AP5M1: variants seen among roughly 807,000 people sequenced by gnomAD.
AP5M1 encodes the protein adaptor related protein complex 5 subunit mu 1, also known as AP-5 complex subunit mu-1.
In AP5M1, 44 loss-of-function variants were observed where a neutral mutation model predicts 52.3. That is an observed-to-expected ratio of 0.84 (90% CI 0.66 to 1.08). The LOEUF (loss-of-function observed/expected upper bound fraction) is 1.08. Ranked by LOEUF, AP5M1 falls within the 50% of genes least tolerant of loss-of-function variation. The pLI, the probability that AP5M1 is intolerant of heterozygous loss-of-function variation, is 0.00. For synonymous variants in AP5M1, 213 were observed against 199.0 expected (o/e 1.07, Z -0.59); for missense variants, 526 against 568.4 (o/e 0.93, Z 0.76).
Position 57,289,821 on chromosome 14 carries a change from A to G in AP5M1, c.*937A>G, listed in dbSNP as rs562092961. 3 of 152,068 alleles carry G rather than the reference A, an allele frequency of 2.0e-5. No individual in the cohort carries two copies. Among genetic ancestry groups the G allele is most frequent in the Admixed American group, 6.6e-5 (1 of 15,240 alleles). 9.4% of individuals were successfully genotyped at this position (152,068 alleles called of 1,614,324 possible). On this transcript the variant is annotated 3_prime_UTR_variant, in exon 8 of 8. Coordinates refer to ENST00000261558, the MANE Select transcript of AP5M1 (RefSeq NM_018229.4). The stretch of plus-strand genomic sequence containing the variant: ...AGCTTATTTTAGTCACATGTAGTAT[A>G]TATCTCCTTAAAGCTGTCACTCTCA...
At chr14:57,286,130 T>C (rs2139696468) in intron 6 of AP5M1, 93 bp from the exon 7 acceptor site, 1 of 800,102 alleles carries the variant, frequency 1.2e-6, no homozygotes, top group Middle Eastern at 3.3e-4. Flanking sequence ...CTGTGTAAAA[T>C]AAATTCCCTA....
In AP5M1 at chr14:57,292,544, A is replaced by C. The variant is rs1464113729; in HGVS notation, c.*3660A>C. On this transcript the variant is annotated 3_prime_UTR_variant, in exon 8 of 8. Transcript: ENST00000261558. The stretch of plus-strand genomic sequence containing the variant: ...AAGTTTATTTCTTACGTAATAGAAC[A>C]AACATTTCTTTTTGCTTCGCCTAAC... 6.6e-6 allele frequency: 1 copy of C among 151,892 alleles called. No homozygotes were observed. The highest frequency in any genetic ancestry group is 2.4e-5 in the African/African-American group (1 of 41,412). The allele number at this position is 151,892 out of a possible 1,614,324, so 9.4% of individuals were successfully genotyped here. A position where few individuals can be genotyped will look rare whatever the true frequency, so the allele number is the denominator to read the frequency against.
chr14:57,285,373 A>G lies in AP5M1; in HGVS notation c.1294-850A>G, dbSNP rs576517815. Among the ~76,000 whole-genome samples the G allele has an allele frequency of 1.7e-4, 26 of 152,344 alleles. No homozygotes were observed. In the South Asian group the frequency reaches 5.4e-3, roughly 32 times the overall value. ...CCCATCACCAACCAGTTACACTCAC[A>G]TTGAAAGCATGTAGCACATATTTTT... On this transcript the variant is annotated intron_variant, in intron 6 of 7. Transcript: ENST00000261558.
chr14:57,282,468 C>T (rs1435318138), intron 4 of AP5M1, among the ~76,000 whole-genome samples: 1 of 152,122 alleles, frequency 6.6e-6, no homozygotes, highest in Non-Finnish European at 1.5e-5. Context: ...GTAGCTTCCT[C>T]AGGGATTATT....
chr14:57,274,726 T>G lies in AP5M1; in HGVS notation c.557T>G (p.Phe186Cys). 1 of 1,614,206 alleles carries G rather than the reference T, an allele frequency of 6.2e-7. No homozygotes were observed. Among genetic ancestry groups the G allele is most frequent in the South Asian group, 1.1e-5 (1 of 91,086 alleles). Reference sequence around the variant, plus strand: ...CAGAATTCATTAGATAATACCAATTTTGCATCTGTGACTCAGCCACAGAAA... The same window carrying G: ...CAGAATTCATTAGATAATACCAATTGTGCATCTGTGACTCAGCCACAGAAA... ...NLQNSLDNTN[F>C]ASVTQPQKQP... The change falls in exon 2 of 8, where the codon TTT (phenylalanine) becomes TGT (cysteine). Residue 186 changes from phenylalanine to cysteine, a missense_variant. By Grantham distance (205) the Phe-to-Cys change is radical (BLOSUM62 -2). Coordinates refer to ENST00000261558, the MANE Select transcript of AP5M1 (RefSeq NM_018229.4).
chr14:57,270,734 T>G (rs1884873028), intron 1 of AP5M1, among the ~76,000 whole-genome samples: 2 of 152,212 alleles, frequency 1.3e-5, no homozygotes, highest in Admixed American at 6.5e-5. Context: ...TAACTGCCGT[T>G]CCCTTCCCAC....
At chr14:57,279,257 T>C (rs1394192148) in intron 2 of AP5M1, among the ~76,000 whole-genome samples, 1 of 152,076 alleles carries the variant, frequency 6.6e-6, no homozygotes, top group Non-Finnish European at 1.5e-5. Context: ...CTATTCACAA[T>C]AGTAAAGACA....
At chr14:57,287,680 G>T (rs1885341087) in intron 7 of AP5M1, among the ~76,000 whole-genome samples, 1 of 152,092 alleles carries the variant, frequency 6.6e-6, no homozygotes, top group Non-Finnish European at 1.5e-5. Flanking sequence ...GTTAGTTTCA[G>T]AATGTGACTG....
intron 6 of AP5M1, 151 bp downstream of exon 6, chr14:57,283,381 T>G: frequency 3.4e-6 from 2 of 579,742 alleles, no homozygotes; most frequent in Non-Finnish European, 3.0e-6. Flanking sequence ...TTTGTTTGAT[T>G]TTTTGTTGTT....
chr14:57,282,049 T>A, intron 3 of AP5M1, 40 bp from the exon 4 acceptor site: 3 of 1,507,596 alleles, frequency 2.0e-6, no homozygotes, highest in Non-Finnish European at 2.6e-6. Flanking sequence ...TTTAGACTCA[T>A]TAACCTGAGA....
chr14:57,283,383 T>G, intron 6 of AP5M1, 153 bp downstream of exon 6: 1 of 573,596 alleles, frequency 1.7e-6, no homozygotes, highest in South Asian at 2.5e-5. Flanking sequence ...TGTTTGATTT[T>G]TTGTTGTTGT....
At chr14:57,270,412 G>T (rs1039720892) in intron 1 of AP5M1, among the ~76,000 whole-genome samples, 3 of 152,126 alleles carry the variant, frequency 2.0e-5, no homozygotes, top group South Asian at 4.1e-4. Flanking sequence ...AAAGCTTATA[G>T]TGAAGTAGTA....
chr14:57,285,820 G>T (rs534515784), intron 6 of AP5M1, among the ~76,000 whole-genome samples: 2 of 152,192 alleles, frequency 1.3e-5, no homozygotes, highest in East Asian at 3.9e-4. Flanking sequence ...ACAGTAGCAC[G>T]GGGGAGACAG....
chr14:57,288,855 C>G lies in AP5M1; in HGVS notation c.1444C>G (p.Pro482Ala). Residue 482 changes from proline to alanine, a missense_variant, in exon 8 of 8, where the codon CCA becomes GCA. Pro to Ala is a conservative substitution (Grantham distance 27). This residue lies in a region of AP5M1 where 97 missense variants were observed against 121.3 expected (regional missense o/e 0.80). Transcript: ENST00000261558. ...YYIWNSKAPAPVTYGSLLL is the reference protein window; with the variant it reads ...YYIWNSKAPAAVTYGSLLL Reference sequence around the variant, plus strand: ...CATCTGGAATTCTAAAGCCCCTGCTCCAGTAACATATGGATCATTATTATT... The same window carrying G: ...CATCTGGAATTCTAAAGCCCCTGCTGCAGTAACATATGGATCATTATTATT... The G allele has an allele frequency of 6.3e-7, 1 of 1,579,466 alleles. No individual in the cohort carries two copies. The highest frequency in any genetic ancestry group is 8.7e-7 in the Non-Finnish European group (1 of 1,151,418).
rs746756431 is a variant in AP5M1, at chr14:57,286,239, T to G, written c.1310T>G (p.Leu437Ter). The change falls in exon 7 of 8, where the codon TTA (leucine) becomes TGA (stop). Residue 437 changes from leucine (L) to a stop codon, truncating the protein, a stop_gained. Transcript: ENST00000261558. LOFTEE classifies it high-confidence loss of function. ...TAYLKLHFRI[L>*]DYTLTGCYAD... ...TCTTTCTAGCTTCATTTTAGGATCT[T>G]AGATTACACACTTACTGGATGTTAT... 6.2e-7 allele frequency: 1 copy of G among 1,609,394 alleles called. No individual in the cohort carries two copies. Among genetic ancestry groups the G allele is most frequent in the Admixed American group, 1.7e-5 (1 of 59,818 alleles).
rs2139701293 is a variant in AP5M1, at chr14:57,291,846, C to A, written c.*2962C>A. On this transcript the variant is annotated 3_prime_UTR_variant, in exon 8 of 8. Coordinates refer to ENST00000261558, the MANE Select transcript of AP5M1 (RefSeq NM_018229.4). ...AGACATTGATAGACTCCTACACTACCCCTGGGAGCTAGGTAGGTGGAATTA... is the reference window on the plus strand; with the variant it reads ...AGACATTGATAGACTCCTACACTACACCTGGGAGCTAGGTAGGTGGAATTA... 6.6e-6 allele frequency: 1 copy of A among 151,742 alleles called. No individual in the cohort carries two copies. Among genetic ancestry groups the A allele is most frequent in the Middle Eastern group, 3.4e-3 (1 of 294 alleles). The allele number at this position is 151,742 out of a possible 1,614,324, so 9.4% of individuals were successfully genotyped here. A position where few individuals can be genotyped will look rare whatever the true frequency, so the allele number is the denominator to read the frequency against.
chr14:57,269,045 A>G lies in AP5M1; in HGVS notation c.-270A>G. ...TTCCGGAAGTAGAATTTAGAGGAAG[A>G]AAATACCGGAGTTGCAGGGTATAGG... is the stretch of plus-strand genomic sequence containing the variant. On this transcript the variant is annotated 5_prime_UTR_variant, in exon 1 of 8. Coordinates refer to ENST00000261558, the MANE Select transcript of AP5M1 (RefSeq NM_018229.4). 1.8e-6 allele frequency: 1 copy of G among 555,750 alleles called. No individual in the cohort carries two copies. The highest frequency in any genetic ancestry group is 3.1e-5 in the East Asian group (1 of 32,406). 34.4% of individuals were successfully genotyped at this position (555,750 alleles called of 1,614,324 possible).
In AP5M1 at chr14:57,298,520, T is replaced by C. The variant is rs1019422404; in HGVS notation, c.*9636T>C. The C allele has an allele frequency of 1.3e-5, 2 of 152,150 alleles. No individual in the cohort carries two copies. Among genetic ancestry groups the C allele is most frequent in the African/African-American group, 4.8e-5 (2 of 41,436 alleles). The allele number at this position is 152,150 out of a possible 1,614,324, so 9.4% of individuals were successfully genotyped here. On this transcript the variant is annotated 3_prime_UTR_variant, in exon 8 of 8. Coordinates refer to ENST00000261558, the MANE Select transcript of AP5M1 (RefSeq NM_018229.4). ...TGAATGATACCAAGTTATAAGTGCA[T>C]AGGTATTCAATCAGTGTTCATTCCC... is the stretch of plus-strand genomic sequence containing the variant.
Position 57,271,591 on chromosome 14 carries a change from T to C in AP5M1, c.74+2203T>C, listed in dbSNP as rs546622954. 2.6e-5 allele frequency among the ~76,000 whole-genome samples: 4 copies of C among 152,210 alleles called. No individual in the cohort carries two copies. The East Asian group carries it at 7.7e-4, about 29-fold the overall frequency. ...TATTCTTGGTATTAGTCCTATGTCATTTTTAGATAGTACAGATATTTTCTT... is the reference window on the plus strand; with the variant it reads ...TATTCTTGGTATTAGTCCTATGTCACTTTTAGATAGTACAGATATTTTCTT... On this transcript the variant is annotated intron_variant, in intron 1 of 7. Transcript: ENST00000261558.
Sources: allele counts gnomAD v4.1 joint callset (sites outside exome capture counted in the v4.1 genomes callset), GRCh38; gene constraint gnomAD v4.1.1; regional missense constraint gnomAD v4.1.1; transcripts MANE v1.5; gene names NCBI Gene and HGNC (gene_info 2026-07-23, HGNC 2026-07-21).